SPTBN5: variants seen among roughly 807,000 people sequenced by gnomAD.
The protein encoded by SPTBN5 is spectrin beta chain, non-erythrocytic 5.
SPTBN5 carries 513 observed loss-of-function variants against 477.6 expected under a neutral mutation model. The ratio of observed to expected loss-of-function variants is 1.07; its 90% CI spans 1.00 to 1.16. The LOEUF is 1.16. Among genes scored for constraint, SPTBN5 ranks in the 50% most tolerant of loss-of-function variants. The probability of loss-of-function intolerance (pLI) is 0.00; values close to 1 mark genes in which losing one functional copy is unlikely to be tolerated. For missense variants in SPTBN5, 5,062 were observed against 4,731.8 expected, an observed-to-expected ratio of 1.07 and a Z score of -2.05; for synonymous variants, 2,169 against 2,011.7, an observed-to-expected ratio of 1.08 and a Z score of -2.09.
chr15:41,880,118 G>A (rs766159665), intron 14 of SPTBN5, 42 bp downstream of exon 14: 1 of 1,541,340 alleles, frequency 6.5e-7, no homozygotes. Context: ...CAGGGAGGCA[G>A]GGGCAAGGCG....
chr15:41,886,500 C>T (rs1254243151), intron 6 of SPTBN5, 134 bp from the exon 7 acceptor site: 12 of 1,026,952 alleles, frequency 1.2e-5, no homozygotes, highest in African/African-American at 1.6e-5. Context: ...AGTGGTGGTA[C>T]CCCCACCCCA....
rs1056511802 is a variant in SPTBN5 at position 41,891,151 on chromosome 15, C to T, written c.385-946G>A. Among the ~76,000 whole-genome samples the T allele has an allele frequency of 2.6e-5, 4 of 152,218 alleles. 1 individual carries two copies. Among genetic ancestry groups the T allele is most frequent in the South Asian group, 4.1e-4 (2 of 4,826 alleles). On this transcript the variant is annotated intron_variant, in intron 3 of 67. Coordinates refer to ENST00000320955, the MANE Select transcript of SPTBN5 (RefSeq NM_016642.4). The stretch of plus-strand genomic sequence containing the variant: ...CAAATACACACTCTCGATCCCCTTG[C>T]CCTGCTCAAGTGAGGATCTTGGCTT...
At chr15:41,876,493 G>C in intron 20 of SPTBN5, 55 bp downstream of exon 20, 4 of 1,475,964 alleles carry the variant, frequency 2.7e-6, no homozygotes, top group Non-Finnish European at 3.7e-6. Context: ...AGCTCTGTAC[G>C]GTCTCAGGCT....
Position 41,856,493 on chromosome 15 carries a change from C to A in SPTBN5, c.8914G>T (p.Ala2972Ser). 1 of 1,596,416 alleles carries A rather than the reference C, an allele frequency of 6.3e-7. No individual in the cohort carries two copies. Among genetic ancestry groups the A allele is most frequent in the Non-Finnish European group, 8.5e-7 (1 of 1,172,832 alleles). ...GCCTTCTCCAGCTGCTGCACCCGGG[C>A]GGCCACCTCGTGGGCGGCAAAGTGC... ...AGHFAAHEVA[A>S]RVQQLEKAMA... Residue 2972 changes from alanine (A) to serine (S), a missense_variant, in exon 53 of 68, where the codon GCC (alanine) becomes TCC (serine). Physicochemically the swap from Ala to Ser is moderately conservative, Grantham distance 99 (BLOSUM62 1). Coordinates refer to ENST00000320955, the MANE Select transcript of SPTBN5 (RefSeq NM_016642.4).
At chr15:41,854,434 G>A (rs8027806) in intron 56 of SPTBN5, among the ~76,000 whole-genome samples, 1 of 151,326 alleles carries the variant, frequency 6.6e-6, no homozygotes, top group East Asian at 2.0e-4. Flanking sequence ...AGAGGGCCTC[G>A]TGCATCTCAG....
intron 24 of SPTBN5, 70 bp downstream of exon 24, chr15:41,874,222 T>C (rs2066640445): frequency 1.3e-6 from 2 of 1,544,498 alleles, no homozygotes; most frequent in Non-Finnish European, 1.8e-6. Context: ...GACACCTGAG[T>C]AGGGGCAGAG....
intron 66 of SPTBN5, 186 bp from the exon 67 acceptor site, chr15:41,850,145 G>T: frequency 3.4e-6 from 2 of 593,828 alleles, no homozygotes. Context: ...TCCCCCATGC[G>T]TCCTGCCTCT....
chr15:41,865,046 T>C (rs543745842), intron 39 of SPTBN5, among the ~76,000 whole-genome samples: 2 of 152,338 alleles, frequency 1.3e-5, no homozygotes, highest in South Asian at 4.1e-4. Context: ...GTCTGTGAAA[T>C]TCCACCATTA....
chr15:41,876,523 A>C, intron 20 of SPTBN5, 25 bp downstream of exon 20: 2 of 1,564,036 alleles, frequency 1.3e-6, no homozygotes, highest in Non-Finnish European at 1.7e-6. Flanking sequence ...GGGAGGCGTC[A>C]TGCGACCTGG....
intron 11 of SPTBN5, 32 bp downstream of exon 11, chr15:41,882,237 G>GGCCCCCCC: frequency 5.6e-6 from 2 of 357,962 alleles, no homozygotes; most frequent in Non-Finnish European, 7.5e-6. Flanking sequence ...GCCGGGCCCC[G>GGCCCCCCC]CCCCCACCCC....
chr15:41,868,654 G>A, intron 32 of SPTBN5, 53 bp from the exon 33 acceptor site: 1 of 1,567,916 alleles, frequency 6.4e-7, no homozygotes, highest in Non-Finnish European at 8.7e-7. Flanking sequence ...CTGGGCAGCA[G>A]GAAACCAGGT....
chr15:41,887,625 C>T (rs978604407), intron 5 of SPTBN5, among the ~76,000 whole-genome samples, 184 bp from the exon 6 acceptor site: 19 of 152,152 alleles, frequency 1.2e-4, no homozygotes, highest in African/African-American at 4.3e-4. Flanking sequence ...AGAGTTCATT[C>T]GGCACAGGGA....
At chr15:41,850,999 G>GC in intron 65 of SPTBN5, 60 bp from the exon 66 acceptor site, 1 of 1,590,398 alleles carries the variant, frequency 6.3e-7, no homozygotes, top group Non-Finnish European at 8.6e-7. Flanking sequence ...CACGCCTCCA[G>GC]CCCCCGCTGA....
chr15:41,876,664 G>GT lies in SPTBN5; in HGVS notation c.3852-18_3852-17insA, dbSNP rs747912495. 3 of 1,416,026 alleles carry GT rather than the reference G, an allele frequency of 2.1e-6. No individual in the cohort carries two copies. The highest frequency in any genetic ancestry group is 1.8e-5 in the Admixed American group (1 of 56,636). 87.7% of individuals were successfully genotyped at this position (1,416,026 alleles called of 1,614,324 possible). ...TCTCTGACCCTGGAGGGCGGGGGGG[G>GT]GTTGGAGGAGGGCATGGGAGAGGAC... On this transcript the variant is annotated splice_polypyrimidine_tract_variant and intron_variant, in intron 19 of 67. Coordinates refer to ENST00000320955, the MANE Select transcript of SPTBN5 (RefSeq NM_016642.4).
At chr15:41,893,610 G>A (rs1010086768) in intron 1 of SPTBN5, 64 bp from the exon 2 acceptor site, 1 of 1,457,252 alleles carries the variant, frequency 6.9e-7, no homozygotes, top group African/African-American at 1.4e-5. Flanking sequence ...GGGGCCTGGG[G>A]TCCCGCCTTG....
At chr15:41,872,220 G>C in intron 27 of SPTBN5, 82 bp downstream of exon 27, 1 of 1,500,310 alleles carries the variant, frequency 6.7e-7, no homozygotes, top group South Asian at 1.3e-5. Flanking sequence ...GGTTCTGATT[G>C]ACTTTGGGCC....
Position 41,855,745 on chromosome 15 carries a change from G to T in SPTBN5, c.9022C>A (p.Leu3008Ile). The change falls in exon 54 of 68, where the codon CTC becomes ATC. Residue 3008 changes from leucine to isoleucine, a missense_variant and splice_region_variant. By Grantham distance (5) the Leu-to-Ile change is conservative (BLOSUM62 2). Transcript: ENST00000320955. ...AQEAQQFLTELLEAGSWLAER... is the reference protein window; with the variant it reads ...AQEAQQFLTEILEAGSWLAER... ...GCCAGCCAGGATCCCGCCTCCAGGA[G>T]CTGGGGGTGACAGAGTGGAGATCCG... The T allele has an allele frequency of 6.3e-7, 1 of 1,576,192 alleles. No individual in the cohort carries two copies.
At chr15:41,876,777 C>G (rs1468831368) in intron 19 of SPTBN5, 32 bp downstream of exon 19, 7 of 1,607,988 alleles carry the variant, frequency 4.4e-6, no homozygotes, top group Non-Finnish European at 5.9e-6. Context: ...AAAGGGTCAT[C>G]TGCAGGTGCT....
chr15:41,854,269 A>G, intron 56 of SPTBN5, 64 bp from the exon 57 acceptor site: 1 of 1,532,838 alleles, frequency 6.5e-7, no homozygotes, highest in Non-Finnish European at 8.8e-7. Flanking sequence ...TTCTCCCTGG[A>G]GACATGGCCT....
Sources: allele counts gnomAD v4.1 joint callset (sites outside exome capture counted in the v4.1 genomes callset), GRCh38; gene constraint gnomAD v4.1.1; transcripts MANE v1.5; gene names NCBI Gene and HGNC (gene_info 2026-07-23, HGNC 2026-07-21).